Variants in ZFHX3 observed in about 807,000 individuals in gnomAD.
The protein encoded by ZFHX3 is zinc finger homeobox 3.
Under a neutral mutation model 279.1 loss-of-function variants are expected in ZFHX3, and 42 were observed. The observed-to-expected ratio is 0.15, with a 90% confidence interval of 0.12 to 0.19. The LOEUF is 0.19. Among genes scored for constraint, ZFHX3 ranks in the 10% least tolerant of loss-of-function variants. The probability of loss-of-function intolerance (pLI) is 1.00; values close to 1 mark genes in which losing one functional copy is unlikely to be tolerated. For missense variants in ZFHX3, 4,981 were observed against 4,754.0 expected (o/e 1.05, Z -1.40); for synonymous variants, 2,293 against 1,957.8 (o/e 1.17, Z -4.52).
At chr16:72,818,210 G>A (rs2036671606) in intron 5 of ZFHX3, among the ~76,000 whole-genome samples, 1 of 152,186 alleles carries the variant, frequency 6.6e-6, no homozygotes, top group African/African-American at 2.4e-5. Flanking sequence ...AATGGAAGGT[G>A]AAATGTGTGT....
At position 73,782,995 on chromosome 16, in the gene ZFHX3, C is replaced by T. The variant is rs181663998; in HGVS notation, c.-1607-102755G>A. ...TAATTCTATGGGATTCTCTATTTTC[C>T]CCAACTTCAGATGCTGGGGCAATAT... is the stretch of plus-strand genomic sequence containing the variant. On this transcript the variant is annotated intron_variant, in intron 1 of 17. Transcript: ENST00000641206. Among the ~76,000 whole-genome samples, 62 of 152,230 alleles carry T rather than the reference C, an allele frequency of 4.1e-4. No individual in the cohort carries two copies. The Middle Eastern group carries it at 0.01, about 25-fold the overall frequency.
intron 1 of ZFHX3, among the ~76,000 whole-genome samples, chr16:73,735,890 C>T (rs1344153347): frequency 1.4e-4 from 2 of 14,746 alleles, no homozygotes; most frequent in African/African-American, 2.1e-4. Flanking sequence ...CCAGCCATTC[C>T]GTTTTTTTTT....
At chr16:73,494,294 G>A (rs756786720) in intron 2 of ZFHX3, among the ~76,000 whole-genome samples, 1 of 152,152 alleles carries the variant, frequency 6.6e-6, no homozygotes, top group Non-Finnish European at 1.5e-5. Context: ...CAGGAAAGAG[G>A]GGGCAGCCTC....
intron 1 of ZFHX3, among the ~76,000 whole-genome samples, chr16:73,884,434 C>A (rs879383730): frequency 2.6e-5 from 4 of 152,192 alleles, no homozygotes; most frequent in Non-Finnish European, 5.9e-5. Flanking sequence ...ATACCCAAAT[C>A]TTACAGGAGT....
In ZFHX3 at chr16:72,957,548, C is replaced by G. The variant is rs1387289106; in HGVS notation, c.2598G>C (p.Leu866=). The stretch of plus-strand genomic sequence containing the variant: ...GGTTGGGCAGGTTCATGTTCTGGGC[C>G]AGGTAGTATTGGTAGAGCTCGGCCT... ...PAEAELYQYY[L]AQNMNLPNLK... is the part of the protein sequence containing the mutation. Residue 866 remains leucine, a synonymous_variant, in exon 2 of 10, where the codon CTG becomes CTC. Coordinates refer to ENST00000268489, the MANE Select transcript of ZFHX3 (RefSeq NM_006885.4). 1 of 1,614,156 alleles carries G rather than the reference C, an allele frequency of 6.2e-7. No homozygotes were observed. Among genetic ancestry groups the G allele is most frequent in the Non-Finnish European group, 8.5e-7 (1 of 1,180,042 alleles).
chr16:73,664,134 G>C (rs574475132), intron 2 of ZFHX3, among the ~76,000 whole-genome samples: 1 of 152,328 alleles, frequency 6.6e-6, no homozygotes, highest in East Asian at 1.9e-4. Flanking sequence ...AAACTCTTTT[G>C]CAAGTCAGTT....
intron 5 of ZFHX3, among the ~76,000 whole-genome samples, chr16:73,152,668 C>G (rs920567290): frequency 2.1e-5 from 3 of 145,232 alleles, no homozygotes; most frequent in African/African-American, 5.1e-5. Context: ...CAGATAAATC[C>G]TAAATAAATC....
At chr16:73,667,847 C>G (rs2052861021) in intron 2 of ZFHX3, among the ~76,000 whole-genome samples, 1 of 152,216 alleles carries the variant, frequency 6.6e-6, no homozygotes, top group African/African-American at 2.4e-5. Context: ...CTTGCACCAT[C>G]TCATCTTCCC....
rs1467508654 is a variant in ZFHX3, at chr16:73,473,349, AAAAAAAAAC to A, written c.-1546-17100_-1546-17092del. The stretch of plus-strand genomic sequence containing the variant: ...GAGACTGTCTCAAAGCAAAAAAAAA[AAAAAAAAAC>A]AAAAAAAAAAAAAACAAAATAATAA... On this transcript the variant is annotated intron_variant, in intron 2 of 17. Transcript: ENST00000641206. 9.9e-3 allele frequency among the ~76,000 whole-genome samples: 501 copies of A among 50,794 alleles called. 1 individual carries two copies. The highest frequency in any genetic ancestry group is 0.031 in the African/African-American group (480 of 15,394). The allele number at this position is 50,794 out of a possible 152,430, so 33.3% of individuals were successfully genotyped here.
intron 2 of ZFHX3, among the ~76,000 whole-genome samples, chr16:73,553,897 T>C (rs965606486): frequency 6.6e-6 from 1 of 152,186 alleles, no homozygotes. Flanking sequence ...ATCTGATCAC[T>C]GAAATGCTTA....
At chr16:72,927,746 AGC>A (rs1959535210) in intron 3 of ZFHX3, among the ~76,000 whole-genome samples, 1 of 152,000 alleles carries the variant, frequency 6.6e-6, no homozygotes, top group Admixed American at 6.5e-5. Context: ...TGCTCCCTCC[AGC>A]GCGCTCTCCC....
intron 3 of ZFHX3, among the ~76,000 whole-genome samples, chr16:73,387,579 C>T (rs547061241): frequency 5.3e-5 from 8 of 152,012 alleles, no homozygotes; most frequent in Non-Finnish European, 7.4e-5. Context: ...GTAAAACCCA[C>T]GGAAAAATAG....
At chr16:73,042,861 G>C (rs1365818912) in intron 1 of ZFHX3, among the ~76,000 whole-genome samples, 2 of 151,940 alleles carry the variant, frequency 1.3e-5, no homozygotes, top group African/African-American at 2.4e-5. Context: ...TGCCCCGAAA[G>C]ACCCACTTAC....
At chr16:72,979,170 T>C (rs1021842074) in intron 1 of ZFHX3, among the ~76,000 whole-genome samples, 2 of 152,214 alleles carry the variant, frequency 1.3e-5, no homozygotes, top group African/African-American at 4.8e-5. Flanking sequence ...AGATGATAGA[T>C]TGTGACTAAT....
chr16:73,684,097 TA>T lies in ZFHX3; in HGVS notation c.-1607-3858del, dbSNP rs2053054054. Among the ~76,000 whole-genome samples the T allele has an allele frequency of 2.0e-5, 3 of 152,106 alleles. No individual in the cohort carries two copies. The South Asian group carries it at 6.2e-4, about 32-fold the overall frequency. On this transcript the variant is annotated intron_variant, in intron 1 of 17. Transcript: ENST00000641206. ...CAGCTTGAGCCCAGGAGCTTGACACTAGCCTGGGCAGCGTAGCAAGACCCTG... is the reference window on the plus strand; with the variant it reads ...CAGCTTGAGCCCAGGAGCTTGACACTGCCTGGGCAGCGTAGCAAGACCCTG...
At chr16:73,427,281 T>C (rs1221499372) in intron 3 of ZFHX3, among the ~76,000 whole-genome samples, 2 of 152,174 alleles carry the variant, frequency 1.3e-5, no homozygotes, top group Non-Finnish European at 2.9e-5. Context: ...GGTAAGGTCA[T>C]GTGTAATGAG....
chr16:73,328,539 C>T (rs1166056027), intron 3 of ZFHX3, among the ~76,000 whole-genome samples: 4 of 152,164 alleles, frequency 2.6e-5, no homozygotes, highest in Non-Finnish European at 4.4e-5. Flanking sequence ...ATTGGAGATT[C>T]AGAGAAGCCC....
intron 2 of ZFHX3, among the ~76,000 whole-genome samples, chr16:73,629,787 A>C (rs1055959524): frequency 6.6e-6 from 1 of 152,162 alleles, no homozygotes; most frequent in African/African-American, 2.4e-5. Context: ...TAGCTTGGAA[A>C]TCCTACTAGT....
intron 1 of ZFHX3, among the ~76,000 whole-genome samples, chr16:73,886,012 C>T (rs1385761736): frequency 1.3e-5 from 2 of 152,324 alleles, no homozygotes; most frequent in East Asian, 3.9e-4. Flanking sequence ...CCTCTGAATA[C>T]ATCTGCCTAT....
Sources: allele counts gnomAD v4.1 joint callset (sites outside exome capture counted in the v4.1 genomes callset), GRCh38; gene constraint gnomAD v4.1.1; transcripts MANE v1.5; gene names NCBI Gene and HGNC (gene_info 2026-07-23, HGNC 2026-07-21).